Variants in ABCA2 observed in about 807,000 individuals in gnomAD.
ABCA2 encodes the protein ATP binding cassette subfamily A member 2.
A neutral mutation model predicts 262.8 loss-of-function variants in ABCA2; 84 were observed. The observed-to-expected ratio is 0.32, with a 90% CI of 0.27 to 0.38. The LOEUF (loss-of-function observed/expected upper bound fraction) is 0.38. Ranked by LOEUF, ABCA2 falls within the 10% of genes least tolerant of loss-of-function variation. The pLI, the probability that ABCA2 is intolerant of heterozygous loss-of-function variation, is 1.00. For missense variants in ABCA2, 2,662 were observed against 3,405.9 expected (o/e 0.78, Z 5.44); for synonymous variants, 1,696 against 1,502.9 (o/e 1.13, Z -2.97).
Position 137,013,330 on chromosome 9 carries a change from G to T in ABCA2, c.4551-12C>A. ...GCGATAGCCGCAGCCTGCGGGCACC[G>T]ACAGTGTGAGGTGGGGCTGCCAGTC... On this transcript the variant is annotated splice_polypyrimidine_tract_variant and intron_variant, in intron 29 of 48. Coordinates refer to ENST00000341511, the MANE Select transcript of ABCA2 (RefSeq NM_001606.5). 3.3e-6 allele frequency: 5 copies of T among 1,538,198 alleles called. No homozygotes were observed. Among genetic ancestry groups the T allele is most frequent in the Non-Finnish European group, 4.4e-6 (5 of 1,148,670 alleles).
intron 27 of ABCA2, 52 bp from the exon 28 acceptor site, chr9:137,014,090 A>C (rs771536301): frequency 6.3e-7 from 1 of 1,594,988 alleles, no homozygotes; most frequent in Non-Finnish European, 8.5e-7. Flanking sequence ...CCCTCTCCCT[A>C]CTGGCTGCCC....
Position 137,016,332 on chromosome 9 carries a change from G to C in ABCA2, c.3063C>G (p.Val1021=). 6.2e-7 allele frequency: 1 copy of C among 1,612,868 alleles called. No homozygotes were observed. Among genetic ancestry groups the C allele is most frequent in the South Asian group, 1.1e-5 (1 of 91,090 alleles). Residue 1021 remains valine (V), a synonymous_variant, in exon 21 of 49, where the codon GTC becomes GTG. Transcript: ENST00000341511. The part of the protein sequence containing the change: ...LSLNLYENQV[V]SFLGHNGAGK... ...CCGCCCCGTTGTGGCCCAAGAAGGA[G>C]ACCACCTGGTTCTCGTAGAGGTTCA...
chr9:137,020,696 G>A lies in ABCA2; in HGVS notation c.1263C>T (p.Asn421=), dbSNP rs73564322. 4,062 of 1,599,926 alleles carry A rather than the reference G, an allele frequency of 2.5e-3. 97 individuals are homozygous for A. In the African/African-American group the frequency reaches 0.048, roughly 19 times the overall value. Residue 421 remains asparagine (N), a splice_region_variant and synonymous_variant, in exon 9 of 49, where the codon AAC becomes AAT. Transcript: ENST00000341511. ...AGLQPILCGN[N]RTIEPEALRR... Reference sequence around the variant, plus strand: ...CCATTCCCCTGCCGCCCACCTACCGGTTGTTGCCACACAAGATGGGCTGCA... The same window carrying A: ...CCATTCCCCTGCCGCCCACCTACCGATTGTTGCCACACAAGATGGGCTGCA...
chr9:137,010,765 G>A (rs1187916392), intron 39 of ABCA2, 28 bp from the exon 40 acceptor site: 1 of 1,592,022 alleles, frequency 6.3e-7, no homozygotes, highest in Non-Finnish European at 8.6e-7. Flanking sequence ...ACAGTGTCCA[G>A]CAGCTCGCCA....
rs374868261 is a variant in ABCA2, at chr9:137,015,660, C to A, written c.3514+15G>T. The A allele has an allele frequency of 4.4e-6, 7 of 1,609,080 alleles. No individual in the cohort carries two copies. Among genetic ancestry groups the A allele is most frequent in the Non-Finnish European group, 5.9e-6 (7 of 1,178,524 alleles). The stretch of plus-strand genomic sequence containing the variant: ...GGCGCCGCCCGCACCCCTGCCCACA[C>A]GGCACCCCACTCACCTGGCTTGTAC... On this transcript the variant is annotated intron_variant, in intron 23 of 48. Coordinates refer to ENST00000341511, the MANE Select transcript of ABCA2 (RefSeq NM_001606.5).
rs765741353 is a variant in ABCA2, at chr9:137,014,744, C to T, written c.3949G>A (p.Glu1317Lys). 2.5e-6 allele frequency: 4 copies of T among 1,601,398 alleles called. No individual in the cohort carries two copies. The highest frequency in any genetic ancestry group is 3.4e-6 in the Non-Finnish European group (4 of 1,175,310). The change falls in exon 26 of 49, where the codon GAA (glutamate) becomes AAA (lysine). Residue 1317 changes from glutamate (E) to lysine (K), a missense_variant. This residue lies in a region of ABCA2 where 297 missense variants were observed against 286.5 expected (regional missense o/e 1.04). Coordinates refer to ENST00000341511, the MANE Select transcript of ABCA2 (RefSeq NM_001606.5). ...TCCTCCGACACCTTGAGGAACACTT[C>T]CTCCAGGGTCGTGTCCATCAGCCCG... Reference protein sequence around the residue: ...SFGLMDTTLEEVFLKVSEEDQ... With the variant: ...SFGLMDTTLEKVFLKVSEEDQ...
rs773788511 is a variant in ABCA2 at position 137,014,009 on chromosome 9, C to T, written c.4270G>A (p.Gly1424Ser). ...EVEAEALSRV[G>S]QGSRKLDGGW... ...CCGTCCAGCTTGCGGCTGCCCTGGC[C>T]GACCCTCGACAGGGCCTCTGCCTCC... is the stretch of plus-strand genomic sequence containing the variant. The change falls in exon 28 of 49, where the codon GGC becomes AGC. Residue 1424 changes from glycine to serine, a missense_variant. Transcript: ENST00000341511. 3.5e-5 allele frequency: 57 copies of T among 1,611,584 alleles called. No homozygotes were observed. The highest frequency in any genetic ancestry group is 1.6e-4 in the Middle Eastern group (1 of 6,082).
In ABCA2 at chr9:137,018,863, A is replaced by AG. The variant is rs781753504; in HGVS notation, c.1722+39dup. On this transcript the variant is annotated intron_variant, in intron 12 of 48. Transcript: ENST00000341511. ...AGCCCGCCGTGGGCATGTGCGAGGC[A>AG]GGGGGTGTCGTGGGTTGGCTCGGAG... 4.8e-4 allele frequency: 770 copies of AG among 1,611,770 alleles called. 1 individual carries two copies. The highest frequency in any genetic ancestry group is 6.1e-4 in the Non-Finnish European group (715 of 1,179,190).
intron 24 of ABCA2, 115 bp from the exon 25 acceptor site, chr9:137,015,212 G>A (rs1588515288): frequency 3.1e-6 from 4 of 1,298,804 alleles, no homozygotes; most frequent in Non-Finnish European, 4.2e-6. Flanking sequence ...CCAGGCCCCA[G>A]CAGGTATCCT....
In ABCA2 at chr9:137,014,208, G is replaced by C; in HGVS notation, c.4200C>G (p.Leu1400=). 1 of 1,609,586 alleles carries C rather than the reference G, an allele frequency of 6.2e-7. No homozygotes were observed. The highest frequency in any genetic ancestry group is 8.5e-7 in the Non-Finnish European group (1 of 1,178,482). ...YTDVYGDYRP[L]FDNPQDPDNV... Reference sequence around the variant, plus strand: ...TGTCTGGGTCCTGTGGGTTATCAAAGAGGGGGCGGTAGTCGCCATAGACGT... The same window carrying C: ...TGTCTGGGTCCTGTGGGTTATCAAACAGGGGGCGGTAGTCGCCATAGACGT... The change falls in exon 27 of 49, where the codon CTC becomes CTG. Residue 1400 remains leucine (L), a synonymous_variant. Transcript: ENST00000341511.
In ABCA2 at chr9:137,016,539, G is replaced by A. The variant is rs371984047; in HGVS notation, c.2923+35C>T. On this transcript the variant is annotated intron_variant, in intron 20 of 48. Coordinates refer to ENST00000341511, the MANE Select transcript of ABCA2 (RefSeq NM_001606.5). Reference sequence around the variant, plus strand: ...GGCCACCCAGGACTCTGAACCCAGCGCCCACCCCAGCCACCATTCTGATGC... The same window carrying A: ...GGCCACCCAGGACTCTGAACCCAGCACCCACCCCAGCCACCATTCTGATGC... 40 of 1,611,974 alleles carry A rather than the reference G, an allele frequency of 2.5e-5. No individual in the cohort carries two copies. In the African/African-American group the frequency reaches 3.1e-4, roughly 12 times the overall value.
At chr9:137,023,533 C>CCTCAGCCCAGA in intron 3 of ABCA2, 6 of 737,772 alleles carry the variant, frequency 8.1e-6, no homozygotes, top group South Asian at 5.4e-5. Context: ...GCCAGCCCAG[C>CCTCAGCCCAGA]CTCAGCCCAG....
At chr9:137,023,578 A>G (rs1831551048) in intron 3 of ABCA2, 8 of 746,586 alleles carry the variant, frequency 1.1e-5, no homozygotes, top group Non-Finnish European at 2.0e-5. Context: ...CCAGCCCTAG[A>G]AGGCAAGGCC....
In ABCA2 at chr9:137,013,925, G is replaced by C; in HGVS notation, c.4354C>G (p.Arg1452Gly). Residue 1452 changes from arginine (R) to glycine (G), a missense_variant, in exon 28 of 49, where the codon CGC becomes GGC. Arg to Gly is a moderately radical substitution (Grantham distance 125, BLOSUM62 -2). Coordinates refer to ENST00000341511, the MANE Select transcript of ABCA2 (RefSeq NM_001606.5). ...GAGAAGAGTGCCTTGGAGTTGCGGC[G>C]GGCGCAGTGGAAGCGTTTGACCAGC... Reference protein sequence around the residue: ...GLLVKRFHCARRNSKALFSQI... With the variant: ...GLLVKRFHCAGRNSKALFSQI... 6.2e-7 allele frequency: 1 copy of C among 1,609,638 alleles called. No homozygotes were observed. The highest frequency in any genetic ancestry group is 8.5e-7 in the Non-Finnish European group (1 of 1,178,588).
At chr9:137,014,559 C>T (rs1446973548) in intron 26 of ABCA2, 131 bp downstream of exon 26, 50 of 1,477,296 alleles carry the variant, frequency 3.4e-5, no homozygotes, top group Non-Finnish European at 4.1e-5. Context: ...CGCAGGCTAA[C>T]CCCGGGGCGT....
Position 137,021,869 on chromosome 9 carries a change from T to A in ABCA2, c.678+22A>T. On this transcript the variant is annotated intron_variant, in intron 7 of 48. Coordinates refer to ENST00000341511, the MANE Select transcript of ABCA2 (RefSeq NM_001606.5). This position sits in a 1 kb window ranked among gnomAD's most constrained non-coding sequence, Gnocchi z 6.0. ...AGAGGCAGGCAGCACTCCAGGCCCATCCCACACATGGATGCCCTCACCTCC... is the reference window on the plus strand; with the variant it reads ...AGAGGCAGGCAGCACTCCAGGCCCAACCCACACATGGATGCCCTCACCTCC... The A allele has an allele frequency of 6.4e-7, 1 of 1,565,560 alleles. No homozygotes were observed. The highest frequency in any genetic ancestry group is 8.7e-7 in the Non-Finnish European group (1 of 1,151,520).
At position 137,021,743 on chromosome 9, in the gene ABCA2, C is replaced by T. The variant is rs531784859; in HGVS notation, c.679-133G>A. 2.0e-4 allele frequency: 251 copies of T among 1,230,328 alleles called. No homozygotes were observed. In the African/African-American group the frequency reaches 3.5e-3, roughly 17 times the overall value. The allele number at this position is 1,230,328 out of a possible 1,614,324, so 76.2% of individuals were successfully genotyped here. ...TGGGTCCCACGACATGCCTCTACCCCTCATGCCTGCCATAGACCCCTGGGA... is the reference window on the plus strand; with the variant it reads ...TGGGTCCCACGACATGCCTCTACCCTTCATGCCTGCCATAGACCCCTGGGA... On this transcript the variant is annotated intron_variant, in intron 7 of 48. Coordinates refer to ENST00000341511, the MANE Select transcript of ABCA2 (RefSeq NM_001606.5). This position sits in a 1 kb window ranked among gnomAD's most constrained non-coding sequence, Gnocchi z 6.0.
rs535711146 is a variant in ABCA2, at chr9:137,012,777, G to A, written c.5016C>T (p.Thr1672=). The change falls in exon 31 of 49, where the codon ACC becomes ACT. Residue 1672 remains threonine (T), a synonymous_variant. Coordinates refer to ENST00000341511, the MANE Select transcript of ABCA2 (RefSeq NM_001606.5). ...CAGAGACATTGTGGCCGGTGATGTC[G>A]GTCAGGATGTCGCCTGTGACCACCC... The part of the protein sequence containing the change: ...QMRVVTGDIL[T]DITGHNVSEY... 4.5e-5 allele frequency: 72 copies of A among 1,612,648 alleles called. No homozygotes were observed. The East Asian group carries it at 9.4e-4, about 21-fold the overall frequency.
At chr9:137,018,423 G>A in intron 13 of ABCA2, 72 bp from the exon 14 acceptor site, 1 of 281,512 alleles carries the variant, frequency 3.6e-6, no homozygotes, top group Non-Finnish European at 6.2e-6. Flanking sequence ...GGAAAGCAAG[G>A]CACGGGGGCG....
Sources: gnomAD v4.1 joint callset for allele counts on GRCh38, gnomAD v4.1.1 for gene constraint, gnomAD v4.1.1 regional missense constraint, Gnocchi (gnomAD v3.1) non-coding constraint, MANE v1.5 for transcripts, NCBI Gene and HGNC (gene_info 2026-07-23, HGNC 2026-07-21) for gene names.